The following KIF26B variants were observed in gnomAD, a reference collection of about 807,000 sequenced individuals.
KIF26B encodes kinesin family member 26B, also known as kinesin-like protein KIF26B.
Under a neutral mutation model 151.2 loss-of-function variants are expected in KIF26B, and 63 were observed. The ratio of observed to expected loss-of-function variants is 0.42; its 90% confidence interval spans 0.34 to 0.51. KIF26B has a LOEUF of 0.51. Among genes scored for constraint, KIF26B ranks in the 20% least tolerant of loss-of-function variants. The probability of loss-of-function intolerance (pLI) is 0.07; values close to 1 mark genes in which losing one functional copy is unlikely to be tolerated. For missense variants in KIF26B, 2,813 were observed against 2,913.6 expected (o/e 0.97, Z 0.79); for synonymous variants, 1,357 against 1,262.1 (o/e 1.08, Z -1.59).
At chr1:245,434,102 T>C (rs1658845321) in intron 4 of KIF26B, among the ~76,000 whole-genome samples, 1 of 152,168 alleles carries the variant, frequency 6.6e-6, no homozygotes. Context: ...CCATTTATTA[T>C]CATAGTCATC....
At chr1:245,611,343 C>T (rs146303394) in intron 8 of KIF26B, among the ~76,000 whole-genome samples, 2 of 152,304 alleles carry the variant, frequency 1.3e-5, no homozygotes, top group Non-Finnish European at 2.9e-5. Flanking sequence ...GACACCACTG[C>T]TATGAGGCCT....
intron 10 of KIF26B, among the ~76,000 whole-genome samples, chr1:245,653,651 C>A (rs555406940): frequency 6.6e-6 from 1 of 152,184 alleles, no homozygotes; most frequent in Non-Finnish European, 1.5e-5. Flanking sequence ...TATCACCCCC[C>A]ACCGAGTACA....
intron 14 of KIF26B, among the ~76,000 whole-genome samples, chr1:245,700,334 GGCCCAGGATGAGA>G (rs1357931633): frequency 6.6e-6 from 1 of 152,074 alleles, no homozygotes; most frequent in African/African-American, 2.4e-5. Context: ...TACACTGCTT[GGCCCAGGATGAGA>G]GCTCAGGATC....
At chr1:245,432,615 TA>T (rs770352996) in intron 4 of KIF26B, among the ~76,000 whole-genome samples, 3 of 152,254 alleles carry the variant, frequency 2.0e-5, no homozygotes, top group Admixed American at 6.5e-5. Context: ...TTTATTATTT[TA>T]ATTCTATAGC....
At chr1:245,678,051 A>C (rs913658228) in intron 10 of KIF26B, among the ~76,000 whole-genome samples, 2 of 152,234 alleles carry the variant, frequency 1.3e-5, no homozygotes, top group Non-Finnish European at 1.5e-5. Flanking sequence ...GCTGGTCTCC[A>C]AGGGTCACTG....
chr1:245,360,693 A>T (rs1672799331), intron 2 of KIF26B, among the ~76,000 whole-genome samples: 1 of 152,158 alleles, frequency 6.6e-6, no homozygotes, highest in Admixed American at 6.5e-5. Context: ...TGTCCATACC[A>T]TCTAGTTGGA....
At chr1:245,452,083 A>C (rs1202129188) in intron 4 of KIF26B, among the ~76,000 whole-genome samples, 1 of 152,104 alleles carries the variant, frequency 6.6e-6, no homozygotes, top group African/African-American at 2.4e-5. Flanking sequence ...TGTAACCATT[A>C]AGTAATAACT....
intron 3 of KIF26B, among the ~76,000 whole-genome samples, chr1:245,391,967 C>T (rs919941687): frequency 1.3e-5 from 2 of 151,522 alleles, no homozygotes; most frequent in African/African-American, 4.9e-5. Context: ...ATTCTTATAA[C>T]TCCTATGCTG....
At chr1:245,611,002 G>A (rs2043514662) in intron 8 of KIF26B, among the ~76,000 whole-genome samples, 1 of 152,196 alleles carries the variant, frequency 6.6e-6, no homozygotes, top group Non-Finnish European at 1.5e-5. Flanking sequence ...CCAAAAAGAG[G>A]AGTGCTGGTT....
chr1:245,594,741 C>G (rs1363070929), intron 5 of KIF26B, among the ~76,000 whole-genome samples: 1 of 152,134 alleles, frequency 6.6e-6, no homozygotes, highest in Non-Finnish European at 1.5e-5. Flanking sequence ...AGCATTGAAT[C>G]TATAAATTAT....
chr1:245,162,627 A>C (rs1046665236), intron 2 of KIF26B, among the ~76,000 whole-genome samples: 4 of 151,926 alleles, frequency 2.6e-5, no homozygotes, highest in Non-Finnish European at 5.9e-5. Flanking sequence ...CTTGTGATCC[A>C]CCCGCCTTGG....
intron 2 of KIF26B, among the ~76,000 whole-genome samples, chr1:245,202,014 T>C (rs947204902): frequency 2.6e-5 from 4 of 152,218 alleles, no homozygotes; most frequent in Non-Finnish European, 5.9e-5. Context: ...GTCTATGTTA[T>C]GTTGGCCTTG....
chr1:245,330,759 AG>A (rs1672090454), intron 2 of KIF26B, among the ~76,000 whole-genome samples: 4 of 29,636 alleles, frequency 1.3e-4, no homozygotes, highest in African/African-American at 5.8e-4. Context: ...GGAGTGGGGG[AG>A]GGAGTGGTGG....
Position 245,441,589 on chromosome 1 carries a change from G to A in KIF26B, c.1166+21844G>A, listed in dbSNP as rs116596980. Reference sequence around the variant, plus strand: ...TCACTCGGCTAACGTGTGTGAGTCCGACAGTAACGAGCAACGCAGACCCCG... The same window carrying A: ...TCACTCGGCTAACGTGTGTGAGTCCAACAGTAACGAGCAACGCAGACCCCG... On this transcript the variant is annotated intron_variant, in intron 4 of 14. Coordinates refer to ENST00000407071, the MANE Select transcript of KIF26B (RefSeq NM_018012.4). Among the ~76,000 whole-genome samples, 963 of 152,170 alleles carry A rather than the reference G, an allele frequency of 6.3e-3. 7 individuals are homozygous for A. The highest frequency in any genetic ancestry group is 0.022 in the African/African-American group (906 of 41,512).
chr1:245,201,923 T>C (rs528405577), intron 2 of KIF26B, among the ~76,000 whole-genome samples: 12 of 152,306 alleles, frequency 7.9e-5, no homozygotes, highest in African/African-American at 2.6e-4. Flanking sequence ...TTATTTCCTG[T>C]TGGGGTTTTA....
chr1:245,690,711 C>T (rs910128627), intron 12 of KIF26B, among the ~76,000 whole-genome samples: 4 of 151,652 alleles, frequency 2.6e-5, no homozygotes, highest in African/African-American at 9.7e-5. Context: ...ATCATCGTGG[C>T]TGTCAGTACC....
intron 3 of KIF26B, among the ~76,000 whole-genome samples, chr1:245,406,554 A>G (rs1674139565): frequency 6.6e-6 from 1 of 152,190 alleles, no homozygotes; most frequent in Non-Finnish European, 1.5e-5. Flanking sequence ...ACAGACAAGA[A>G]AGACATGGCA....
At position 245,359,103 on chromosome 1, in the gene KIF26B, C is replaced by T. The variant is rs550088452; in HGVS notation, c.466-7731C>T. 3.8e-4 allele frequency among the ~76,000 whole-genome samples: 58 copies of T among 152,182 alleles called. 1 individual carries two copies. In the South Asian group the frequency reaches 0.011, roughly 29 times the overall value. ...GCGCAGTCTCGGCTCACTGCAGCCT[C>T]CGCCTCCTGTGTTCCAGTGATTCTC... is the stretch of plus-strand genomic sequence containing the variant. On this transcript the variant is annotated intron_variant, in intron 2 of 14. Transcript: ENST00000407071.
chr1:245,568,888 A>C (rs2043037313), intron 5 of KIF26B, among the ~76,000 whole-genome samples: 1 of 152,202 alleles, frequency 6.6e-6, no homozygotes, highest in African/African-American at 2.4e-5. Context: ...TGGATACAAG[A>C]TGAATACAGT....
Sources: gnomAD v4.1 joint callset for allele counts (sites outside exome capture counted in the v4.1 genomes callset) on GRCh38, gnomAD v4.1.1 for gene constraint, MANE v1.5 for transcripts, NCBI Gene and HGNC (gene_info 2026-07-23, HGNC 2026-07-21) for gene names.